The following EIF3H variants were observed in gnomAD, a reference collection of about 807,000 sequenced individuals.
EIF3H encodes eIF-3-gamma.
Under a neutral mutation model 44.2 loss-of-function variants are expected in EIF3H, and 26 were observed. The observed-to-expected ratio is 0.59, with a 90% CI of 0.43 to 0.82. The LOEUF (loss-of-function observed/expected upper bound fraction) is 0.82. Among genes scored for constraint, EIF3H ranks in the 40% least tolerant of loss-of-function variants. The pLI is 0.00. For synonymous variants in EIF3H, 166 were observed against 151.9 expected (o/e 1.09, Z -0.68); for missense variants, 359 against 432.8 (o/e 0.83, Z 1.51).
chr8:116,655,922 A>G lies in EIF3H; in HGVS notation c.641T>C (p.Leu214Pro), dbSNP rs1328333808. ...VIKNSHLINV[L>P]MWELEKKSAV... ...TGACTTCTTTTCAAGTTCCCACATT[A>G]GGACATTGATCAGATGTGAATTTTT... Residue 214 changes from leucine to proline, a missense_variant, in exon 5 of 8, where the codon CTA becomes CCA. Physicochemically the swap from Leu to Pro is moderately conservative, Grantham distance 98. Coordinates refer to ENST00000521861, the MANE Select transcript of EIF3H (RefSeq NM_003756.3). 2 of 1,613,552 alleles carry G rather than the reference A, an allele frequency of 1.2e-6. No individual in the cohort carries two copies. Among genetic ancestry groups the G allele is most frequent in the Non-Finnish European group, 1.7e-6 (2 of 1,179,640 alleles).
chr8:116,673,828 T>C (rs970767055), intron 2 of EIF3H, among the ~76,000 whole-genome samples: 1 of 152,010 alleles, frequency 6.6e-6, no homozygotes, highest in Non-Finnish European at 1.5e-5. Flanking sequence ...TCCGAGCACT[T>C]TGGCAGGCCG....
chr8:116,682,308 A>G (rs1193332554), intron 2 of EIF3H, among the ~76,000 whole-genome samples: 1 of 152,248 alleles, frequency 6.6e-6, no homozygotes, highest in Non-Finnish European at 1.5e-5. Flanking sequence ...AAGTCAATAA[A>G]GTCTCAATTG....
At chr8:116,763,100 G>A (rs970398998) in intron 1 of EIF3H, among the ~76,000 whole-genome samples, 2 of 152,158 alleles carry the variant, frequency 1.3e-5, no homozygotes, top group Non-Finnish European at 2.9e-5. Context: ...GTTATATTTG[G>A]TGGTTTTGTG....
Position 116,658,931 on chromosome 8 carries a change from A to T in EIF3H, c.339T>A (p.Asp113Glu). 6.2e-7 allele frequency: 1 copy of T among 1,613,698 alleles called. No individual in the cohort carries two copies. The highest frequency in any genetic ancestry group is 8.5e-7 in the Non-Finnish European group (1 of 1,179,716). Reference sequence around the variant, plus strand: ...ACTGATACCAGCCCACGTGAAGATGATCAATGTTTACATGGCGAAGGCTCC... The same window carrying T: ...ACTGATACCAGCCCACGTGAAGATGTTCAATGTTTACATGGCGAAGGCTCC... ...MMRSLRHVNI[D>E]HLHVGWYQST... The change falls in exon 3 of 8, where the codon GAT (aspartate) becomes GAA (glutamate). Residue 113 changes from aspartate (D) to glutamate (E), a missense_variant. By Grantham distance (45) the Asp-to-Glu change is conservative. Transcript: ENST00000521861.
At chr8:116,668,938 T>C (rs569983144) in intron 2 of EIF3H, among the ~76,000 whole-genome samples, 10 of 152,072 alleles carry the variant, frequency 6.6e-5, no homozygotes, top group Non-Finnish European at 1.5e-4. Flanking sequence ...TTGTGTAGAA[T>C]TGGATTGGAT....
At chr8:116,699,017 C>G (rs1814322122) in intron 2 of EIF3H, among the ~76,000 whole-genome samples, 2 of 152,020 alleles carry the variant, frequency 1.3e-5, no homozygotes, top group African/African-American at 4.8e-5. Flanking sequence ...GGCGTAGTGG[C>G]ATGTGCCTGC....
At chr8:116,731,446 CTTTG>C (rs1190561432) in intron 1 of EIF3H, among the ~76,000 whole-genome samples, 1 of 152,096 alleles carries the variant, frequency 6.6e-6, no homozygotes, top group East Asian at 1.9e-4. Context: ...CCTAGCTTTC[CTTTG>C]TTTTTGTTTT....
In EIF3H at chr8:116,755,672, A is replaced by G. The variant is rs768847971; in HGVS notation, c.126T>C (p.Asp42=). The G allele has an allele frequency of 1.2e-6, 2 of 1,614,158 alleles. No individual in the cohort carries two copies. Among genetic ancestry groups the G allele is most frequent in the South Asian group, 1.1e-5 (1 of 91,090 alleles). The change falls in exon 1 of 8, where the codon GAT becomes GAC. Residue 42 remains aspartate (D), a synonymous_variant. Transcript: ENST00000521861. ...GDSAVKQVQI[D]GLVVLKIIKH... is the part of the protein sequence containing the mutation. ...GAAAAAGAACAGCACTCACAAGGCC[A>G]TCTATCTGCACTTGCTTCACGGCTG...
intron 5 of EIF3H, among the ~76,000 whole-genome samples, chr8:116,653,435 A>T (rs1234913468): frequency 6.6e-6 from 1 of 151,952 alleles, no homozygotes; most frequent in Non-Finnish European, 1.5e-5. Context: ...TCAGACCACT[A>T]CCAAGACCAA....
chr8:116,761,850 T>G (rs1319874078), intron 1 of EIF3H, among the ~76,000 whole-genome samples: 3 of 152,222 alleles, frequency 2.0e-5, no homozygotes, highest in Non-Finnish European at 2.9e-5. Flanking sequence ...CCGCTTGCTT[T>G]CTTTAACTGA....
rs1036042813 is a variant in EIF3H, at chr8:116,711,583, T to C, written c.289+14433A>G. ...ATCAAAAATGAAAATAAAATACTTC[T>C]AATATGACAAAGAAAAAAAGATGGT... is the stretch of plus-strand genomic sequence containing the variant. On this transcript the variant is annotated intron_variant, in intron 2 of 7. Transcript: ENST00000521861. 1.8e-4 allele frequency among the ~76,000 whole-genome samples: 28 copies of C among 152,266 alleles called. 1 individual carries two copies. Among genetic ancestry groups the C allele is most frequent in the Admixed American group, 1.8e-3 (28 of 15,300 alleles).
Position 116,702,570 on chromosome 8 carries a change from T to C in EIF3H, c.289+23446A>G, listed in dbSNP as rs531910234. ...ATTTACCTTACTGGTTTCTACCTTA[T>C]ATCATGCCTTAGACAGTGTCTAGCA... On this transcript the variant is annotated intron_variant, in intron 2 of 7. Transcript: ENST00000521861. Among the ~76,000 whole-genome samples, 5 of 152,350 alleles carry C rather than the reference T, an allele frequency of 3.3e-5. No individual in the cohort carries two copies. The South Asian group carries it at 1.0e-3, about 32-fold the overall frequency.
At chr8:116,717,597 T>C (rs1234678940) in intron 2 of EIF3H, among the ~76,000 whole-genome samples, 1 of 152,010 alleles carries the variant, frequency 6.6e-6, no homozygotes, top group Non-Finnish European at 1.5e-5. Context: ...TAATGCCAAA[T>C]ACTTAGAGTT....
intron 1 of EIF3H, among the ~76,000 whole-genome samples, chr8:116,745,487 T>C (rs1324178338): frequency 6.6e-6 from 1 of 152,212 alleles, no homozygotes; most frequent in Non-Finnish European, 1.5e-5. Context: ...AAATGATAGA[T>C]TGTCATCACT....
intron 2 of EIF3H, among the ~76,000 whole-genome samples, chr8:116,698,145 G>A (rs1814301587): frequency 6.6e-6 from 1 of 152,048 alleles, no homozygotes; most frequent in Non-Finnish European, 1.5e-5. Context: ...ATGGCTACTA[G>A]GTAGCTACAA....
intron 2 of EIF3H, among the ~76,000 whole-genome samples, chr8:116,668,724 G>C (rs1813706721): frequency 6.6e-6 from 1 of 151,604 alleles, no homozygotes; most frequent in Non-Finnish European, 1.5e-5. Context: ...GAATGTGGGG[G>C]TCGTAGGGGC....
At chr8:116,755,515 A>G in intron 1 of EIF3H, 151 bp downstream of exon 1, 1 of 1,050,536 alleles carries the variant, frequency 9.5e-7, no homozygotes, top group Non-Finnish European at 1.3e-6. Flanking sequence ...CTCCTGAACA[A>G]AAAGTGAAGA....
chr8:116,657,556 C>T (rs952823944), intron 3 of EIF3H: 6 of 477,324 alleles, frequency 1.3e-5, no homozygotes, highest in Non-Finnish European at 2.2e-5. Context: ...ACTAAAGATG[C>T]AAAAGAGTTA....
chr8:116,732,215 T>C (rs1814961733), intron 1 of EIF3H, among the ~76,000 whole-genome samples: 1 of 151,996 alleles, frequency 6.6e-6, no homozygotes, highest in Non-Finnish European at 1.5e-5. Context: ...TTAAAGTGTC[T>C]GGCTTTAAAA....
Sources: gnomAD v4.1 joint callset for allele counts (sites outside exome capture counted in the v4.1 genomes callset) on GRCh38, gnomAD v4.1.1 for gene constraint, MANE v1.5 for transcripts, NCBI Gene and HGNC (gene_info 2026-07-23, HGNC 2026-07-21) for gene names.